The following GNAL variants were observed in gnomAD, a reference collection of about 807,000 sequenced individuals.
GNAL encodes G protein subunit alpha L.
Under a neutral mutation model 55.1 loss-of-function variants are expected in GNAL, and 18 were observed. The observed-to-expected ratio is 0.33, with a 90% CI of 0.23 to 0.48. The LOEUF is 0.48. GNAL is among the 20% of genes least tolerant of loss of function. GNAL has a pLI of 0.99. For missense variants in GNAL, 412 were observed against 614.1 expected (o/e 0.67, Z 3.48); for synonymous variants, 253 against 237.0 (o/e 1.07, Z -0.62).
intron 4 of GNAL, among the ~76,000 whole-genome samples, chr18:11,766,473 G>A (rs999281530): frequency 1.2e-4 from 18 of 152,156 alleles, no homozygotes; most frequent in Admixed American, 9.2e-4. Context: ...CTCCTGCCCA[G>A]CACCCCCAGA....
intron 7 of GNAL, 123 bp downstream of exon 7, chr18:11,864,729 C>T: frequency 1.5e-6 from 1 of 683,400 alleles, no homozygotes. Context: ...GTAAGAGCAG[C>T]TGGGGTGAAA....
intron 9 of GNAL, among the ~76,000 whole-genome samples, chr18:11,870,701 C>T (rs180977432): frequency 7.9e-5 from 12 of 152,138 alleles, no homozygotes; most frequent in East Asian, 5.8e-4. Flanking sequence ...GAATATTTAG[C>T]GCGCACACAC....
At chr18:11,764,363 T>C (rs570263616) in intron 4 of GNAL, among the ~76,000 whole-genome samples, 1 of 152,236 alleles carries the variant, frequency 6.6e-6, no homozygotes, top group Non-Finnish European at 1.5e-5. Flanking sequence ...CACCTTGACC[T>C]CCCAAGGTGT....
chr18:11,876,729 T>C (rs1453492610), intron 11 of GNAL, 41 bp downstream of exon 11: 1 of 1,094,862 alleles, frequency 9.1e-7, no homozygotes, highest in East Asian at 2.3e-5. Context: ...ACCTCCCTTC[T>C]TAATCTTTTG....
At chr18:11,722,021 GA>G (rs916212777) in intron 1 of GNAL, among the ~76,000 whole-genome samples, 1 of 152,152 alleles carries the variant, frequency 6.6e-6, no homozygotes, top group African/African-American at 2.4e-5. Flanking sequence ...TTGACTCCTT[GA>G]ATAAACAGTA....
At chr18:11,803,968 G>C (rs1264451739) in intron 4 of GNAL, among the ~76,000 whole-genome samples, 1 of 150,988 alleles carries the variant, frequency 6.6e-6, no homozygotes, top group Admixed American at 6.6e-5. Context: ...AGTTTGGATG[G>C]AACACGGAGA....
intron 4 of GNAL, among the ~76,000 whole-genome samples, chr18:11,778,415 G>A (rs2143333955): frequency 6.6e-6 from 1 of 152,294 alleles, no homozygotes; most frequent in Middle Eastern, 3.4e-3. Flanking sequence ...GGCTGAGCGA[G>A]CATCCCCTAG....
At chr18:11,823,147 C>CGT (rs139501905) in intron 4 of GNAL, among the ~76,000 whole-genome samples, 3 of 151,812 alleles carry the variant, frequency 2.0e-5, no homozygotes, top group East Asian at 1.9e-4. Flanking sequence ...GATCTTTACA[C>CGT]GTGTGTGTGT....
chr18:11,840,875 C>CTTTTTTT (rs112505457), intron 5 of GNAL, among the ~76,000 whole-genome samples: 1 of 137,028 alleles, frequency 7.3e-6, no homozygotes, highest in African/African-American at 2.7e-5. Context: ...TTTTTCTTTT[C>CTTTTTTT]TTTTTTTTTT....
At chr18:11,861,100 C>T (rs1476481747) in intron 5 of GNAL, among the ~76,000 whole-genome samples, 3 of 152,194 alleles carry the variant, frequency 2.0e-5, no homozygotes, top group Non-Finnish European at 4.4e-5. Context: ...CACATGTCTG[C>T]TGCCTCTACC....
chr18:11,718,163 A>G (rs905547840), intron 1 of GNAL, among the ~76,000 whole-genome samples: 1 of 152,222 alleles, frequency 6.6e-6, no homozygotes, highest in African/African-American at 2.4e-5. Flanking sequence ...AAGGTAATAC[A>G]TGTTCACAGG....
chr18:11,796,104 A>G (rs945199210), intron 4 of GNAL, among the ~76,000 whole-genome samples: 1 of 152,202 alleles, frequency 6.6e-6, no homozygotes, highest in African/African-American at 2.4e-5. Flanking sequence ...TAACCCATTC[A>G]TTAACTTTAT....
chr18:11,781,155 G>T (rs1336579196), intron 4 of GNAL, among the ~76,000 whole-genome samples: 1 of 152,168 alleles, frequency 6.6e-6, no homozygotes, highest in Non-Finnish European at 1.5e-5. Context: ...AAATTTGGTT[G>T]TTTTAAATCT....
At chr18:11,811,741 A>C (rs1456666967) in intron 4 of GNAL, among the ~76,000 whole-genome samples, 2 of 152,212 alleles carry the variant, frequency 1.3e-5, no homozygotes, top group Non-Finnish European at 2.9e-5. Context: ...TTCCCCCAAA[A>C]AAGGAATCTC....
chr18:11,754,586 G>A (rs1166607281), intron 4 of GNAL, among the ~76,000 whole-genome samples: 1 of 152,136 alleles, frequency 6.6e-6, no homozygotes, highest in African/African-American at 2.4e-5. Flanking sequence ...GATAAAAACA[G>A]TAGAAATTAC....
At chr18:11,819,650 C>T (rs1404042292) in intron 4 of GNAL, among the ~76,000 whole-genome samples, 1 of 151,886 alleles carries the variant, frequency 6.6e-6, no homozygotes, top group Non-Finnish European at 1.5e-5. Flanking sequence ...TTTTTATATA[C>T]CCTCAGATGT....
intron 11 of GNAL, among the ~76,000 whole-genome samples, chr18:11,877,812 A>G (rs999179047): frequency 6.6e-6 from 1 of 152,178 alleles, no homozygotes; most frequent in African/African-American, 2.4e-5. Context: ...ACAGTGAGTT[A>G]GAAAGTAACA....
intron 4 of GNAL, among the ~76,000 whole-genome samples, chr18:11,758,415 C>T (rs1447557593): frequency 6.6e-6 from 1 of 152,078 alleles, no homozygotes; most frequent in Non-Finnish European, 1.5e-5. Context: ...CTCGAGCTCA[C>T]GTGATACAGT....
chr18:11,854,557 A>G (rs914807168), intron 5 of GNAL: 52 of 158,900 alleles, frequency 3.3e-4, no homozygotes, highest in African/African-American at 1.0e-3. Flanking sequence ...TGAGGTGGGC[A>G]GATCACCTGA....
Sources: allele counts gnomAD v4.1 joint callset (sites outside exome capture counted in the v4.1 genomes callset), GRCh38; gene constraint gnomAD v4.1.1; transcripts MANE v1.5; gene names NCBI Gene and HGNC (gene_info 2026-07-23, HGNC 2026-07-21).